BAIAP2L2: variants seen among roughly 807,000 people sequenced by gnomAD.
BAIAP2L2 encodes the protein BAR/IMD domain containing adaptor protein 2 like 2.
BAIAP2L2 carries 65 observed loss-of-function variants against 60.4 expected under a neutral mutation model. That is an observed-to-expected ratio of 1.08 (90% CI 0.88 to 1.32). The LOEUF (loss-of-function observed/expected upper bound fraction) is 1.32, where lower values mean the gene tolerates loss of function less well. Ranked by LOEUF, BAIAP2L2 falls within the 40% of genes most tolerant of loss-of-function variation. The pLI is 0.00. For missense variants in BAIAP2L2, 836 were observed against 741.2 expected (o/e 1.13, Z -1.48); for synonymous variants, 344 against 301.7 (o/e 1.14, Z -1.45).
chr22:38,107,724 C>T, intron 4 of BAIAP2L2, 128 bp downstream of exon 4: 3 of 833,166 alleles, frequency 3.6e-6, no homozygotes, highest in South Asian at 1.5e-5. Flanking sequence ...CCCCACAGAG[C>T]CGGGTGCTGG....
At chr22:38,103,172 T>A (rs949220508) in intron 4 of BAIAP2L2, among the ~76,000 whole-genome samples, 2 of 151,972 alleles carry the variant, frequency 1.3e-5, no homozygotes, top group Non-Finnish European at 2.9e-5. Flanking sequence ...GCTATGATTG[T>A]ACCACTGCAC....
intron 4 of BAIAP2L2, among the ~76,000 whole-genome samples, chr22:38,099,104 G>A (rs1405683396): frequency 6.6e-6 from 1 of 152,208 alleles, no homozygotes; most frequent in Admixed American, 6.5e-5. Context: ...TCTGGCCACC[G>A]GGGCAGGACA....
chr22:38,106,827 C>G (rs1482639558), intron 4 of BAIAP2L2, among the ~76,000 whole-genome samples: 6 of 152,194 alleles, frequency 3.9e-5, no homozygotes, highest in African/African-American at 1.4e-4. Flanking sequence ...TCTAGCCAAG[C>G]TGACTCCCTC....
intron 12 of BAIAP2L2, 130 bp downstream of exon 12, chr22:38,086,112 T>C (rs1289137270): frequency 8.5e-6 from 9 of 1,058,082 alleles, no homozygotes; most frequent in African/African-American, 1.6e-5. Context: ...CTCCCTGCAC[T>C]GAGGAACAGA....
At chr22:38,103,795 G>A (rs554339017) in intron 4 of BAIAP2L2, among the ~76,000 whole-genome samples, 6 of 151,604 alleles carry the variant, frequency 4.0e-5, no homozygotes, top group East Asian at 3.9e-4. Flanking sequence ...CCTGGGAGGC[G>A]GACGTTGCAG....
rs778517096 is a variant in BAIAP2L2, at chr22:38,107,857, C to A, written c.271G>T (p.Val91Leu). Reference protein sequence around the residue: ...TQRHLNSDLEVVVQTFHGGLL... With the variant: ...TQRHLNSDLELVVQTFHGGLL... Reference sequence around the variant, plus strand: ...CCCTGGGGCCTGATACTCACCACCACCTCCAGGTCAGAGTTCAAGTGCCGC... The same window carrying A: ...CCCTGGGGCCTGATACTCACCACCAACTCCAGGTCAGAGTTCAAGTGCCGC... Residue 91 changes from valine to leucine, a missense_variant, in exon 4 of 14, where the codon GTG becomes TTG. Physicochemically the swap from Val to Leu is conservative, Grantham distance 32. Transcript: ENST00000381669. The A allele has an allele frequency of 6.2e-7, 1 of 1,613,470 alleles. No individual in the cohort carries two copies. Among genetic ancestry groups the A allele is most frequent in the Non-Finnish European group, 8.5e-7 (1 of 1,179,898 alleles).
At chr22:38,103,773 GAATTGCTTGAA>G (rs957739071) in intron 4 of BAIAP2L2, among the ~76,000 whole-genome samples, 3 of 150,406 alleles carry the variant, frequency 2.0e-5, no homozygotes, top group African/African-American at 7.3e-5. Context: ...TGAGGCTGGA[GAATTGCTTGAA>G]CCTGGGAGGC....
At chr22:38,088,702 G>A (rs1261446797) in intron 10 of BAIAP2L2, 46 bp downstream of exon 10, 1 of 1,526,246 alleles carries the variant, frequency 6.6e-7, no homozygotes, top group East Asian at 2.4e-5. Flanking sequence ...GGCCCCCAGG[G>A]CCTTCTTCTC....
chr22:38,105,685 A>AC (rs1207439711), intron 4 of BAIAP2L2, among the ~76,000 whole-genome samples: 3 of 150,826 alleles, frequency 2.0e-5, no homozygotes, highest in African/African-American at 2.4e-5. Context: ...TAAAAACTGC[A>AC]CCCCCCAAAG....
At chr22:38,098,520 C>T (rs1170518556) in intron 4 of BAIAP2L2, 38 bp from the exon 5 acceptor site, 1 of 1,571,854 alleles carries the variant, frequency 6.4e-7, no homozygotes, top group Non-Finnish European at 8.7e-7. Context: ...CAAGGCCCCC[C>T]TACTGTTCCC....
chr22:38,109,056 G>C lies in BAIAP2L2; in HGVS notation c.127+77C>G, dbSNP rs2086731195. 2.7e-6 allele frequency: 3 copies of C among 1,092,456 alleles called. No individual in the cohort carries two copies. In the South Asian group the frequency reaches 3.7e-5, roughly 14 times the overall value. The allele number at this position is 1,092,456 out of a possible 1,614,324, so 67.7% of individuals were successfully genotyped here. A position where few individuals can be genotyped will look rare whatever the true frequency, so the allele number is the denominator to read the frequency against. ...AGGATGAACAGGTGTGGGATGCAGA[G>C]AATCTGGGAGGGGCCTGGGTGGGTG... is the stretch of plus-strand genomic sequence containing the variant. On this transcript the variant is annotated intron_variant, in intron 2 of 13. Coordinates refer to ENST00000381669, the MANE Select transcript of BAIAP2L2 (RefSeq NM_025045.6).
At position 38,088,043 on chromosome 22, in the gene BAIAP2L2, G is replaced by A. The variant is rs567597067; in HGVS notation, c.1118+705C>T. On this transcript the variant is annotated intron_variant, in intron 10 of 13. Coordinates refer to ENST00000381669, the MANE Select transcript of BAIAP2L2 (RefSeq NM_025045.6). ...GGGCTGGTGTGGGCAGCCACCACCC[G>A]CTCTGCCCATGCACGCATTCATCCT... Among the ~76,000 whole-genome samples the A allele has an allele frequency of 1.1e-3, 160 of 152,272 alleles. 1 individual carries two copies. Among genetic ancestry groups the A allele is most frequent in the African/African-American group, 3.5e-3 (146 of 41,552 alleles).
intron 4 of BAIAP2L2, among the ~76,000 whole-genome samples, chr22:38,104,795 CAAAAATTTTTTTTTT>C (rs957325524): frequency 3.3e-5 from 5 of 151,850 alleles, no homozygotes; most frequent in African/African-American, 1.2e-4. Flanking sequence ...CACACCCAGC[CAAAAATTTTTTTTTT>C]TTTAAGAGTG....
intron 7 of BAIAP2L2, 152 bp from the exon 8 acceptor site, chr22:38,089,826 G>A (rs1473571107): frequency 8.1e-6 from 6 of 742,158 alleles, no homozygotes; most frequent in Middle Eastern, 4.5e-4. Flanking sequence ...CCAGCTCACC[G>A]TCCAACCCGC....
intron 4 of BAIAP2L2, among the ~76,000 whole-genome samples, chr22:38,101,546 CAAAAA>C (rs71195082): frequency 2.3e-4 from 7 of 30,922 alleles, no homozygotes; most frequent in East Asian, 2.1e-3. Flanking sequence ...GATCCTGTCT[CAAAAA>C]AAAAAAAAAA....
chr22:38,088,713 AACCC>A, intron 10 of BAIAP2L2, 31 bp downstream of exon 10: 1 of 912,498 alleles, frequency 1.1e-6, no homozygotes. Context: ...CCTTCTTCTC[AACCC>A]ACCCCCGGCC....
Position 38,087,197 on chromosome 22 carries a change from CG to C in BAIAP2L2, c.1185del (p.Val396Ter). 1 of 1,534,206 alleles carries C rather than the reference CG, an allele frequency of 6.5e-7. No homozygotes were observed. The highest frequency in any genetic ancestry group is 8.9e-7 in the Non-Finnish European group (1 of 1,124,738). ...LEEGPVNPMT[P>X]VTPMTSMTSM... The stretch of plus-strand genomic sequence containing the variant: ...GAGGTCATGGAGGTCATGGGGGTCA[CG>C]GGGGTCATGGGATTCACGGGCCCCT... On this transcript the variant is annotated frameshift_variant, in exon 11 of 14. Coordinates refer to ENST00000381669, the MANE Select transcript of BAIAP2L2 (RefSeq NM_025045.6). LOFTEE classifies it high-confidence loss of function.
chr22:38,089,071 G>A, intron 9 of BAIAP2L2, 25 bp downstream of exon 9: 1 of 1,381,008 alleles, frequency 7.2e-7, no homozygotes. Flanking sequence ...CGGCCCTCCT[G>A]CCGCCCCGGG....
chr22:38,110,765 G>C, upstream of BAIAP2L2: 1 of 531,388 alleles, frequency 1.9e-6, no homozygotes, highest in Non-Finnish European at 3.3e-6. Flanking sequence ...ATCCTGTGCC[G>C]GGCAGGCTCG....
Sources: gnomAD v4.1 joint callset for allele counts (sites outside exome capture counted in the v4.1 genomes callset) on GRCh38, gnomAD v4.1.1 for gene constraint, MANE v1.5 for transcripts, NCBI Gene and HGNC (gene_info 2026-07-23, HGNC 2026-07-21) for gene names.